CACNA2D2: variants seen among roughly 807,000 people sequenced by gnomAD.
CACNA2D2 encodes voltage-dependent calcium channel subunit alpha-2/delta-2.
A neutral mutation model predicts 166.4 loss-of-function variants in CACNA2D2; 48 were observed. The observed-to-expected ratio is 0.29, with a 90% confidence interval of 0.23 to 0.37. The LOEUF is 0.37. Ranked by LOEUF, CACNA2D2 falls within the 10% of genes least tolerant of loss-of-function variation. The pLI, the probability that CACNA2D2 is intolerant of heterozygous loss-of-function variation, is 1.00. For synonymous variants in CACNA2D2, 561 were observed against 573.7 expected (o/e 0.98, Z 0.32); for missense variants, 1,122 against 1,433.0 (o/e 0.78, Z 3.50).
chr3:50,372,417 G>A (rs1362051287), intron 22 of CACNA2D2, among the ~76,000 whole-genome samples: 13 of 152,234 alleles, frequency 8.5e-5, no homozygotes, highest in African/African-American at 1.7e-4. Flanking sequence ...GGCAGGACAC[G>A]GGGACATCAG....
At chr3:50,478,620 TC>T (rs1697904616) in intron 1 of CACNA2D2, among the ~76,000 whole-genome samples, 1 of 152,160 alleles carries the variant, frequency 6.6e-6, no homozygotes, top group African/African-American at 2.4e-5. Context: ...AACATTATCA[TC>T]CCACCTTACA....
chr3:50,383,697 T>A (rs1236166990), intron 6 of CACNA2D2, among the ~76,000 whole-genome samples: 1 of 152,222 alleles, frequency 6.6e-6, no homozygotes, highest in African/African-American at 2.4e-5. Context: ...CCTACCTCCT[T>A]GGTTCTATGC....
At chr3:50,471,333 TG>T (rs1710087249) in intron 2 of CACNA2D2, among the ~76,000 whole-genome samples, 1 of 152,106 alleles carries the variant, frequency 6.6e-6, no homozygotes, top group African/African-American at 2.4e-5. Context: ...GCCTGTCTCC[TG>T]TGGGCACATG....
chr3:50,421,857 A>C (rs1707578044), intron 3 of CACNA2D2, among the ~76,000 whole-genome samples: 1 of 151,906 alleles, frequency 6.6e-6, no homozygotes, highest in African/African-American at 2.4e-5. Flanking sequence ...TCTGACCCCA[A>C]GTGACTGGGA....
chr3:50,492,415 A>G (rs1695127203), intron 1 of CACNA2D2, among the ~76,000 whole-genome samples: 2 of 152,246 alleles, frequency 1.3e-5, no homozygotes, highest in Admixed American at 1.3e-4. Context: ...CCTCACTGGC[A>G]CAGCACGGCA....
intron 2 of CACNA2D2, among the ~76,000 whole-genome samples, chr3:50,462,424 A>AATAATG: frequency 6.8e-6 from 1 of 146,908 alleles, no homozygotes; most frequent in South Asian, 2.1e-4. Context: ...TAATAATAAT[A>AATAATG]ATAATAATGA....
intron 1 of CACNA2D2, among the ~76,000 whole-genome samples, chr3:50,494,663 TTTTA>T (rs1276083029): frequency 1.3e-5 from 2 of 151,994 alleles, no homozygotes; most frequent in South Asian, 2.1e-4. Flanking sequence ...ATGCCATAGA[TTTTA>T]TTTATTTATT....
chr3:50,497,785 C>A (rs1698784206), intron 1 of CACNA2D2, among the ~76,000 whole-genome samples: 1 of 152,182 alleles, frequency 6.6e-6, no homozygotes, highest in South Asian at 2.1e-4. Context: ...TAGCCACAGG[C>A]AGCTCTGGAA....
chr3:50,382,980 A>G (rs1196602353), intron 6 of CACNA2D2, among the ~76,000 whole-genome samples: 1 of 152,202 alleles, frequency 6.6e-6, no homozygotes, highest in Non-Finnish European at 1.5e-5. Context: ...ACAGACCCGT[A>G]CCCACCTGCA....
At chr3:50,484,665 C>T (rs190335292) in intron 1 of CACNA2D2, among the ~76,000 whole-genome samples, 3 of 152,302 alleles carry the variant, frequency 2.0e-5, no homozygotes, top group Admixed American at 6.5e-5. Context: ...AATTGCACCC[C>T]CCCCAGCAGC....
intron 2 of CACNA2D2, among the ~76,000 whole-genome samples, chr3:50,466,873 C>A (rs1369732600): frequency 6.6e-6 from 1 of 152,250 alleles, no homozygotes; most frequent in South Asian, 2.1e-4. Flanking sequence ...CATCTTCTGT[C>A]TGTACCCGAA....
chr3:50,425,713 A>C (rs1575667481), intron 3 of CACNA2D2, among the ~76,000 whole-genome samples: 1 of 149,136 alleles, frequency 6.7e-6, no homozygotes. Flanking sequence ...GCCACCTGGG[A>C]CCCCCGGAGA....
chr3:50,371,652 G>C (rs1704660400), intron 22 of CACNA2D2, among the ~76,000 whole-genome samples: 1 of 152,168 alleles, frequency 6.6e-6, no homozygotes, highest in South Asian at 2.1e-4. Context: ...TCTGGGGAAG[G>C]GGGCACTTGG....
At chr3:50,472,401 G>T (rs901471251) in intron 2 of CACNA2D2, among the ~76,000 whole-genome samples, 2 of 152,172 alleles carry the variant, frequency 1.3e-5, no homozygotes, top group Non-Finnish European at 2.9e-5. Context: ...CTTCCCAGAG[G>T]GTAGCCTGTG....
chr3:50,374,743 C>A lies in CACNA2D2; in HGVS notation c.1978G>T (p.Val660Phe). ...CAGGGGCCGGGCCACTTACACTTGA[C>A]CTGCAGGATCTGGTCACTGAGATTG... ...QANLSDQILQ[V>F]KYFEFLLPSS... Residue 660 changes from valine (V) to phenylalanine (F), a missense_variant, in exon 22 of 38, where the codon GTC becomes TTC. Val to Phe is a conservative substitution (Grantham distance 50). Transcript: ENST00000424201. 1 of 1,593,798 alleles carries A rather than the reference C, an allele frequency of 6.3e-7. No homozygotes were observed. Among genetic ancestry groups the A allele is most frequent in the Non-Finnish European group, 8.5e-7 (1 of 1,170,578 alleles).
At chr3:50,410,818 T>A (rs1706975818) in intron 3 of CACNA2D2, among the ~76,000 whole-genome samples, 1 of 152,256 alleles carries the variant, frequency 6.6e-6, no homozygotes, top group African/African-American at 2.4e-5. Context: ...TTCTTCCATC[T>A]GACTTTGAGG....
At chr3:50,370,441 AGAG>A in intron 22 of CACNA2D2, 61 bp from the exon 23 acceptor site, 1 of 455,528 alleles carries the variant, frequency 2.2e-6, no homozygotes, top group Non-Finnish European at 4.2e-6. Context: ...CGGGGGGCTC[AGAG>A]CTGACGGGGC....
chr3:50,468,454 T>G (rs1003350086), intron 2 of CACNA2D2, among the ~76,000 whole-genome samples: 10 of 136,878 alleles, frequency 7.3e-5, no homozygotes, highest in Non-Finnish European at 1.2e-4. Context: ...TTTAGGAAAC[T>G]TTCACAGACA....
At chr3:50,403,355 C>A (rs761326652) in intron 3 of CACNA2D2, among the ~76,000 whole-genome samples, 13 of 152,298 alleles carry the variant, frequency 8.5e-5, no homozygotes, top group Non-Finnish European at 1.9e-4. Flanking sequence ...CAGCTTCTCT[C>A]TAGGGCCTTC....
Sources: gnomAD v4.1 joint callset for allele counts (sites outside exome capture counted in the v4.1 genomes callset) on GRCh38, gnomAD v4.1.1 for gene constraint, MANE v1.5 for transcripts, NCBI Gene and HGNC (gene_info 2026-07-23, HGNC 2026-07-21) for gene names.